The following TFCP2L1 variants were observed in gnomAD, a reference collection of about 807,000 sequenced individuals.
TFCP2L1 encodes the protein transcription factor CP2-like protein 1.
Under a neutral mutation model 72.2 loss-of-function variants are expected in TFCP2L1, and 12 were observed. That is an observed-to-expected ratio of 0.17 (90% CI 0.11 to 0.27). The LOEUF (loss-of-function observed/expected upper bound fraction) is 0.27. Among genes scored for constraint, TFCP2L1 ranks in the 10% least tolerant of loss-of-function variants. The pLI is 1.00. For synonymous variants in TFCP2L1, 260 were observed against 251.0 expected (o/e 1.04, Z -0.34); for missense variants, 488 against 624.6 (o/e 0.78, Z 2.33).
chr2:121,264,926 G>A (rs1262985138), intron 2 of TFCP2L1, among the ~76,000 whole-genome samples: 2 of 152,136 alleles, frequency 1.3e-5, no homozygotes, highest in East Asian at 1.9e-4. Flanking sequence ...TTGGAAAACC[G>A]TCTGGCAGTT....
In TFCP2L1 at chr2:121,235,211, C is replaced by G. The variant is rs200448788; in HGVS notation, c.1094+10G>C. The G allele has an allele frequency of 8.1e-5, 131 of 1,614,162 alleles. No homozygotes were observed. In the Middle Eastern group the frequency reaches 2.5e-3, roughly 30 times the overall value. On this transcript the variant is annotated intron_variant, in intron 11 of 14. Transcript: ENST00000263707. ...CCTCTGGCTGGCTTCACAGAGAAAC[C>G]AACACCTACCGGCCTTTGATGGCGT... is the stretch of plus-strand genomic sequence containing the variant.
chr2:121,234,164 G>A lies in TFCP2L1; in HGVS notation c.1125C>T (p.Val375=). Residue 375 remains valine, a synonymous_variant, in exon 12 of 15, where the codon GTC becomes GTT. Coordinates refer to ENST00000263707, the MANE Select transcript of TFCP2L1 (RefSeq NM_014553.3). ...RNVRPKMTIY[V]CQELEQNRVP... is the part of the protein sequence containing the mutation. ...CTCGATTCTGCTCCAGCTCCTGACA[G>A]ACATAAATGGTCATCTTTGGCCTCA... 1.2e-6 allele frequency: 2 copies of A among 1,614,174 alleles called. No individual in the cohort carries two copies. Among genetic ancestry groups the A allele is most frequent in the East Asian group, 2.2e-5 (1 of 44,882 alleles).
chr2:121,263,713 A>C (rs1052066756), intron 2 of TFCP2L1, among the ~76,000 whole-genome samples: 2 of 152,212 alleles, frequency 1.3e-5, no homozygotes, highest in East Asian at 1.9e-4. Context: ...GGCCTACAGA[A>C]ATCCTAAACA....
At chr2:121,267,086 T>G (rs1032399614) in intron 2 of TFCP2L1, among the ~76,000 whole-genome samples, 4 of 151,752 alleles carry the variant, frequency 2.6e-5, no homozygotes, top group African/African-American at 9.7e-5. Context: ...CCCAGCTAAT[T>G]TTTGTATTTT....
At chr2:121,240,211 C>G in intron 7 of TFCP2L1, 2 of 985,276 alleles carry the variant, frequency 2.0e-6, no homozygotes, top group Non-Finnish European at 2.4e-6. Context: ...TTCAGGCATT[C>G]TGCTGGGGGC....
At chr2:121,256,521 T>C (rs1415846697) in intron 2 of TFCP2L1, among the ~76,000 whole-genome samples, 2 of 152,168 alleles carry the variant, frequency 1.3e-5, no homozygotes, top group Non-Finnish European at 1.5e-5. Flanking sequence ...TTCACACCTA[T>C]AATCCCAGCA....
chr2:121,233,992 T>G (rs1686194958), intron 12 of TFCP2L1, 99 bp downstream of exon 12: 1 of 1,085,294 alleles, frequency 9.2e-7, no homozygotes, highest in Non-Finnish European at 1.4e-6. Context: ...AGGACTGTCC[T>G]GCACATTCAC....
chr2:121,269,499 G>A (rs1687001059), intron 2 of TFCP2L1, among the ~76,000 whole-genome samples: 1 of 151,984 alleles, frequency 6.6e-6, no homozygotes, highest in African/African-American at 2.4e-5. Flanking sequence ...AGTGGCTCAT[G>A]CGTATAATCC....
intron 10 of TFCP2L1, 96 bp downstream of exon 10, chr2:121,237,527 G>A: frequency 7.2e-7 from 1 of 1,379,604 alleles, no homozygotes; most frequent in South Asian, 1.2e-5. Context: ...TGAAACGACA[G>A]CGCTGCCAGT....
At position 121,217,156 on chromosome 2, in the gene TFCP2L1, C is replaced by G. The variant is rs1324102181; in HGVS notation, c.*7185G>C. On this transcript the variant is annotated 3_prime_UTR_variant, in exon 15 of 15. Coordinates refer to ENST00000263707, the MANE Select transcript of TFCP2L1 (RefSeq NM_014553.3). ...TCAACCTGGCTCGGGCCATCAGTAG[C>G]TGTGGGACCCTGGCCCCCATCTAAC... 1 of 152,278 alleles carries G rather than the reference C, an allele frequency of 6.6e-6. No individual in the cohort carries two copies. The highest frequency in any genetic ancestry group is 1.5e-5 in the Non-Finnish European group (1 of 68,070). The allele number at this position is 152,278 out of a possible 1,614,324, so 9.4% of individuals were successfully genotyped here. A position where few individuals can be genotyped will look rare whatever the true frequency, so the allele number is the denominator to read the frequency against.
chr2:121,229,045 G>A (rs1245148800), intron 13 of TFCP2L1, among the ~76,000 whole-genome samples: 4 of 151,882 alleles, frequency 2.6e-5, no homozygotes, highest in South Asian at 2.1e-4. Context: ...TCAGCCTCCC[G>A]AATAGCTGGG....
intron 1 of TFCP2L1, among the ~76,000 whole-genome samples, chr2:121,282,933 T>A (rs895092809): frequency 7.9e-5 from 12 of 152,114 alleles, no homozygotes; most frequent in African/African-American, 2.9e-4. Context: ...CCCGTCACCA[T>A]CCACTGCCGA....
At chr2:121,261,291 A>G (rs1458967647) in intron 2 of TFCP2L1, among the ~76,000 whole-genome samples, 1 of 152,218 alleles carries the variant, frequency 6.6e-6, no homozygotes. Context: ...AATCCAAGTA[A>G]ACACTTGGAA....
chr2:121,244,479 C>T (rs545741194), intron 6 of TFCP2L1, among the ~76,000 whole-genome samples: 48 of 152,276 alleles, frequency 3.2e-4, no homozygotes, highest in African/African-American at 1.2e-3. Flanking sequence ...TTTTGGGTGA[C>T]TAGGGGCCCT....
intron 2 of TFCP2L1, among the ~76,000 whole-genome samples, chr2:121,256,444 T>C (rs941478677): frequency 1.3e-5 from 2 of 152,144 alleles, no homozygotes; most frequent in African/African-American, 2.4e-5. Context: ...GTTATCCATA[T>C]GGAAAAATTA....
Position 121,285,142 on chromosome 2 carries a change from G to T in TFCP2L1, c.-33C>A. On this transcript the variant is annotated 5_prime_UTR_variant, in exon 1 of 15. Transcript: ENST00000263707. ...ACTCCCAGCGCGCCGACCGGGGCGC[G>T]GCAGCAAGCGCAGACGCGGGGCGCG... 1 of 1,465,978 alleles carries T rather than the reference G, an allele frequency of 6.8e-7. No individual in the cohort carries two copies. 90.8% of individuals were successfully genotyped at this position (1,465,978 alleles called of 1,614,324 possible). A position where few individuals can be genotyped will look rare whatever the true frequency, so the allele number is the denominator to read the frequency against.
At chr2:121,268,806 T>C (rs995717003) in intron 2 of TFCP2L1, among the ~76,000 whole-genome samples, 2 of 149,218 alleles carry the variant, frequency 1.3e-5, no homozygotes, top group African/African-American at 5.0e-5. Context: ...GTGTTTACTT[T>C]AATAACACAT....
intron 7 of TFCP2L1, chr2:121,240,830 G>C (rs1284828891): frequency 1.2e-6 from 1 of 810,518 alleles, no homozygotes; most frequent in Non-Finnish European, 1.5e-6. Context: ...TCCTTTGCGG[G>C]CCGTGGGGGA....
chr2:121,221,308 G>C lies in TFCP2L1; in HGVS notation c.*3033C>G, dbSNP rs1685924849. 1 of 152,014 alleles carries C rather than the reference G, an allele frequency of 6.6e-6. No individual in the cohort carries two copies. Among genetic ancestry groups the C allele is most frequent in the Admixed American group, 6.6e-5 (1 of 15,258 alleles). 9.4% of individuals were successfully genotyped at this position (152,014 alleles called of 1,614,324 possible). ...GACTGGGGAACATCAGAGAGAGATA[G>C]GACTCAGTACCGTTGACTCAGGTAA... On this transcript the variant is annotated 3_prime_UTR_variant, in exon 15 of 15. Transcript: ENST00000263707.
Sources: allele counts gnomAD v4.1 joint callset (sites outside exome capture counted in the v4.1 genomes callset), GRCh38; gene constraint gnomAD v4.1.1; transcripts MANE v1.5; gene names NCBI Gene and HGNC (gene_info 2026-07-23, HGNC 2026-07-21).